ZNF517: variants seen among roughly 807,000 people sequenced by gnomAD.
The protein encoded by ZNF517 is zinc finger protein 517.
A neutral mutation model predicts 12.1 loss-of-function variants in ZNF517; 12 were observed. The observed-to-expected ratio is 0.99, with a 90% confidence interval of 0.63 to 1.61. The LOEUF is 1.61. ZNF517 is among the 40% of genes most tolerant of loss of function. The pLI is 0.00. For synonymous variants in ZNF517, 388 were observed against 310.2 expected (o/e 1.25, Z -2.63); for missense variants, 781 against 693.2 (o/e 1.13, Z -1.42).
rs772308057 is a variant in ZNF517, at chr8:144,807,228, G to T, written c.312G>T (p.Leu104=). ...RMEAGIMESP[L]QRKLSRQAGL... Reference sequence around the variant, plus strand: ...AGGCTGGGATCATGGAGTCTCCTCTGCAGAGAAAGCTCTCCAGGCAGGCAG... The same window carrying T: ...AGGCTGGGATCATGGAGTCTCCTCTTCAGAGAAAGCTCTCCAGGCAGGCAG... Residue 104 remains leucine, a synonymous_variant, in exon 5 of 5, where the codon CTG becomes CTT. Transcript: ENST00000359971. 1 of 1,545,016 alleles carries T rather than the reference G, an allele frequency of 6.5e-7. No individual in the cohort carries two copies.
intron 1 of ZNF517, among the ~76,000 whole-genome samples, chr8:144,802,490 C>A (rs1450470018): frequency 6.6e-6 from 1 of 152,196 alleles, no homozygotes; most frequent in African/African-American, 2.4e-5. Flanking sequence ...GGGTACAGAC[C>A]AGAGGCCTTG....
chr8:144,799,160 G>T (rs1023137425), intron 1 of ZNF517, among the ~76,000 whole-genome samples: 2 of 152,172 alleles, frequency 1.3e-5, no homozygotes, highest in Non-Finnish European at 2.9e-5. Flanking sequence ...GTGCGGCCGG[G>T]CCCCCGAGAC....
rs745775018 is a variant in ZNF517, at chr8:144,808,438, C to G, written c.*43C>G. 1.4e-6 allele frequency: 2 copies of G among 1,438,678 alleles called. No homozygotes were observed. Among genetic ancestry groups the G allele is most frequent in the African/African-American group, 1.5e-5 (1 of 68,304 alleles). 89.1% of individuals were successfully genotyped at this position (1,438,678 alleles called of 1,614,324 possible). A position where few individuals can be genotyped will look rare whatever the true frequency, so the allele number is the denominator to read the frequency against. Reference sequence around the variant, plus strand: ...CGAGGATTCACGCTGGAAGCCCACCCAAGCCGGCGGGGCCCTAGCGCAGAA... The same window carrying G: ...CGAGGATTCACGCTGGAAGCCCACCGAAGCCGGCGGGGCCCTAGCGCAGAA... On this transcript the variant is annotated 3_prime_UTR_variant, in exon 5 of 5. Coordinates refer to ENST00000359971, the MANE Select transcript of ZNF517 (RefSeq NM_213605.3).
Position 144,807,835 on chromosome 8 carries a change from C to A in ZNF517, c.919C>A (p.His307Asn). 2 of 1,603,864 alleles carry A rather than the reference C, an allele frequency of 1.2e-6. No individual in the cohort carries two copies. Among genetic ancestry groups the A allele is most frequent in the Non-Finnish European group, 1.7e-6 (2 of 1,175,516 alleles). Residue 307 changes from histidine to asparagine, a missense_variant, in exon 5 of 5, where the codon CAC (histidine) becomes AAC (asparagine). His to Asn is a moderately conservative substitution (Grantham distance 68). Transcript: ENST00000359971. ...CTGCCGCAGGTTCACCCTCAACGAG[C>A]ACGGCCGCATCCACAGCGGGGAGCG... ...AFCRRFTLNE[H>N]GRIHSGERPY... is the part of the protein sequence containing the mutation.
downstream of ZNF517, chr8:144,810,274 G>A (rs1043749367): frequency 1.8e-5 from 11 of 608,332 alleles, no homozygotes; most frequent in Middle Eastern, 2.5e-4. Flanking sequence ...GAAGGTGAGG[G>A]GGGATTGAGT....
chr8:144,807,287 G>C lies in ZNF517; in HGVS notation c.371G>C (p.Trp124Ser), dbSNP rs1362453295. The C allele has an allele frequency of 6.4e-7, 1 of 1,555,300 alleles. No homozygotes were observed. ...GGCACCGTGTGGGGGTGCCTCCCCT[G>C]GGGGCACCCTGTGGGGGGGCACCCT... ...LPGTVWGCLP[W>S]GHPVGGHPAP... The change falls in exon 5 of 5, where the codon TGG becomes TCG. Residue 124 changes from tryptophan (W) to serine (S), a missense_variant. Trp to Ser is a radical substitution (Grantham distance 177). Coordinates refer to ENST00000359971, the MANE Select transcript of ZNF517 (RefSeq NM_213605.3).
chr8:144,804,044 C>T, intron 3 of ZNF517, 81 bp from the exon 4 acceptor site: 1 of 1,389,712 alleles, frequency 7.2e-7, no homozygotes, highest in Non-Finnish European at 1.0e-6. Flanking sequence ...CACTCTGTGC[C>T]CTGATGGCCT....
At position 144,808,329 on chromosome 8, in the gene ZNF517, G is replaced by A; in HGVS notation, c.1413G>A (p.Gln471=). The A allele has an allele frequency of 6.6e-7, 1 of 1,505,276 alleles. No individual in the cohort carries two copies. Among genetic ancestry groups the A allele is most frequent in the Non-Finnish European group, 8.9e-7 (1 of 1,123,946 alleles). The allele number at this position is 1,505,276 out of a possible 1,614,324, so 93.2% of individuals were successfully genotyped here. A position where few individuals can be genotyped will look rare whatever the true frequency, so the allele number is the denominator to read the frequency against. The change falls in exon 5 of 5, where the codon CAG becomes CAA. Residue 471 remains glutamine (Q), a synonymous_variant. Coordinates refer to ENST00000359971, the MANE Select transcript of ZNF517 (RefSeq NM_213605.3). ...CSRLSTLIQH[Q]KVHGREPGED... ...GGCTGTCCACCCTCATCCAGCACCAGAAGGTGCACGGCCGCGAGCCCGGGG... is the reference window on the plus strand; with the variant it reads ...GGCTGTCCACCCTCATCCAGCACCAAAAGGTGCACGGCCGCGAGCCCGGGG...
In ZNF517 at chr8:144,808,238, A is replaced by T; in HGVS notation, c.1322A>T (p.Glu441Val). The change falls in exon 5 of 5, where the codon GAG becomes GTG. Residue 441 changes from glutamate to valine, a missense_variant. Physicochemically the swap from Glu to Val is moderately radical, Grantham distance 121. Coordinates refer to ENST00000359971, the MANE Select transcript of ZNF517 (RefSeq NM_213605.3). ...KAFRRSYTLN[E>V]HYRLHSGERP... ...TTCCGCAGGAGCTACACGCTGAACG[A>T]GCACTACCGGCTCCACAGCGGCGAG... is the stretch of plus-strand genomic sequence containing the variant. 6.2e-7 allele frequency: 1 copy of T among 1,601,714 alleles called. No individual in the cohort carries two copies. The highest frequency in any genetic ancestry group is 8.5e-7 in the Non-Finnish European group (1 of 1,173,392).
At chr8:144,810,429 TA>T (rs1259974349), downstream of ZNF517, 2 of 420,556 alleles carry the variant, frequency 4.8e-6, no homozygotes, top group Non-Finnish European at 8.5e-6. Flanking sequence ...CTGGCCCTGG[TA>T]GGGCACCAAG....
At chr8:144,805,524 G>A (rs1827182620) in intron 4 of ZNF517, among the ~76,000 whole-genome samples, 1 of 151,676 alleles carries the variant, frequency 6.6e-6, no homozygotes, top group African/African-American at 2.4e-5. Flanking sequence ...TAGAGACGAG[G>A]TTTCACCGTG....
In ZNF517 at chr8:144,808,560, G is replaced by A. The variant is rs892295208; in HGVS notation, c.*165G>A. 30 of 1,040,776 alleles carry A rather than the reference G, an allele frequency of 2.9e-5. No individual in the cohort carries two copies. The highest frequency in any genetic ancestry group is 3.3e-4 in the Middle Eastern group (1 of 3,004). 64.5% of individuals were successfully genotyped at this position (1,040,776 alleles called of 1,614,324 possible). ...TCTTGCTCCAGCCGGGCACTGGGGA[G>A]GGAAAGGGCACCAGGCAGCCCGTGG... On this transcript the variant is annotated 3_prime_UTR_variant, in exon 5 of 5. Coordinates refer to ENST00000359971, the MANE Select transcript of ZNF517 (RefSeq NM_213605.3).
In ZNF517 at chr8:144,806,468, A is replaced by G. The variant is rs541659503; in HGVS notation, c.275-723A>G. On this transcript the variant is annotated intron_variant, in intron 4 of 4. Coordinates refer to ENST00000359971, the MANE Select transcript of ZNF517 (RefSeq NM_213605.3). ...TTGTTCCCTTCTCACCCGAACCCTG[A>G]TTTTATTTTATTTTTATTTTTATTA... 5.3e-5 allele frequency among the ~76,000 whole-genome samples: 8 copies of G among 151,826 alleles called. No homozygotes were observed. In the East Asian group the frequency reaches 1.5e-3, roughly 29 times the overall value.
At position 144,808,485 on chromosome 8, in the gene ZNF517, A is replaced by T; in HGVS notation, c.*90A>T. 2.9e-6 allele frequency: 4 copies of T among 1,385,628 alleles called. No homozygotes were observed. Among genetic ancestry groups the T allele is most frequent in the Non-Finnish European group, 3.7e-6 (4 of 1,070,590 alleles). The allele number at this position is 1,385,628 out of a possible 1,614,324, so 85.8% of individuals were successfully genotyped here. A position where few individuals can be genotyped will look rare whatever the true frequency, so the allele number is the denominator to read the frequency against. On this transcript the variant is annotated 3_prime_UTR_variant, in exon 5 of 5. Transcript: ENST00000359971. ...AGAAATTCAGAACCCCCTGTCCTGA[A>T]GGTGAAGCAAAGTCTAAAGAAAGGG...
chr8:144,812,056 A>C (rs184145092), downstream of ZNF517, among the ~76,000 whole-genome samples: 52 of 130,528 alleles, frequency 4.0e-4, no homozygotes, highest in African/African-American at 1.5e-3. Flanking sequence ...AGACTGCAGA[A>C]TGGAAGCAAA....
chr8:144,807,666 C>T lies in ZNF517; in HGVS notation c.750C>T (p.Ala250=). 2 of 1,608,518 alleles carry T rather than the reference C, an allele frequency of 1.2e-6. No homozygotes were observed. Among genetic ancestry groups the T allele is most frequent in the South Asian group, 1.1e-5 (1 of 90,852 alleles). Residue 250 remains alanine (A), a synonymous_variant, in exon 5 of 5, where the codon GCC becomes GCT. Coordinates refer to ENST00000359971, the MANE Select transcript of ZNF517 (RefSeq NM_213605.3). ...KAFRQSTQLA[A]HHRVHTRERP... ...TCCGGCAGAGCACGCAGCTGGCTGC[C>T]CACCACCGCGTCCACACCCGCGAGC...
rs1401445185 is a variant in ZNF517, at chr8:144,809,202, TC to T, written c.*808del. The T allele has an allele frequency of 2.0e-5, 3 of 151,890 alleles. No homozygotes were observed. Among genetic ancestry groups the T allele is most frequent in the South Asian group, 2.1e-4 (1 of 4,824 alleles). The allele number at this position is 151,890 out of a possible 1,614,324, so 9.4% of individuals were successfully genotyped here. On this transcript the variant is annotated 3_prime_UTR_variant, in exon 5 of 5. Transcript: ENST00000359971. ...CTATCTATCTATCTATCTATCTATC[TC>T]TTTTTTTGAGGCAGGATCTCTCTGT...
intron 1 of ZNF517, among the ~76,000 whole-genome samples, chr8:144,799,338 A>G (rs369189129): frequency 6.6e-6 from 1 of 152,074 alleles, no homozygotes; most frequent in East Asian, 1.9e-4. Flanking sequence ...CGCAGCGTTC[A>G]TTTACCCTGC....
At chr8:144,810,963 G>C (rs2130476841), downstream of ZNF517, 1 of 152,002 alleles carries the variant, frequency 6.6e-6, no homozygotes, top group East Asian at 1.9e-4. Context: ...AGCCCGCCAG[G>C]TTGAGTGGGC....
Sources: gnomAD v4.1 joint callset for allele counts (sites outside exome capture counted in the v4.1 genomes callset) on GRCh38, gnomAD v4.1.1 for gene constraint, MANE v1.5 for transcripts, NCBI Gene and HGNC (gene_info 2026-07-23, HGNC 2026-07-21) for gene names.